The following CLIP2 variants were observed in gnomAD, a reference collection of about 807,000 sequenced individuals.
CLIP2 encodes the protein CAP-Gly domain containing linker protein 2.
Under a neutral mutation model 111.7 loss-of-function variants are expected in CLIP2, and 41 were observed. The observed-to-expected ratio is 0.37, with a 90% CI of 0.29 to 0.48. CLIP2 has a LOEUF of 0.48. Among genes scored for constraint, CLIP2 ranks in the 20% least tolerant of loss-of-function variants. CLIP2 has a pLI of 0.99. For missense variants in CLIP2, 1,160 were observed against 1,422.1 expected (o/e 0.82, Z 2.96); for synonymous variants, 660 against 644.2 (o/e 1.02, Z -0.37).
chr7:74,325,762 G>A (rs1789090532), intron 2 of CLIP2, among the ~76,000 whole-genome samples: 1 of 151,922 alleles, frequency 6.6e-6, no homozygotes, highest in Admixed American at 6.6e-5. Context: ...AACCCGGGAG[G>A]TTGAGGTTGC....
chr7:74,372,904 C>T, intron 8 of CLIP2, 28 bp from the exon 9 acceptor site: 2 of 1,159,398 alleles, frequency 1.7e-6, no homozygotes, highest in Non-Finnish European at 2.5e-6. Flanking sequence ...CCCCCACCCC[C>T]CCACCGTGTC....
rs1554728697 is a variant in CLIP2, at chr7:74,312,888, A to ACTGATCCTTCACTC, written c.-67-4592_-67-4591insCTGATCCTTCACTC. On this transcript the variant is annotated intron_variant, in intron 1 of 16. Coordinates refer to ENST00000223398, the MANE Select transcript of CLIP2 (RefSeq NM_003388.5). ...AAGTGATCCTTCACTCGGATGTGCCAGGACAGGTAGTAGCATTGCTGACTC... is the reference window on the plus strand; with the variant it reads ...AAGTGATCCTTCACTCGGATGTGCCACTGATCCTTCACTCGGACAGGTAGTAGCATTGCTGACTC... Among the ~76,000 whole-genome samples, 5 of 152,200 alleles carry ACTGATCCTTCACTC rather than the reference A, an allele frequency of 3.3e-5. No individual in the cohort carries two copies. The East Asian group carries it at 9.6e-4, about 29-fold the overall frequency.
chr7:74,385,635 G>GGCACTGTTA (rs763313295), intron 11 of CLIP2, among the ~76,000 whole-genome samples: 50 of 152,016 alleles, frequency 3.3e-4, no homozygotes, highest in Middle Eastern at 6.8e-3. Context: ...CGGTGACCTA[G>GGCACTGTTA]GCACTGTTAG....
intron 3 of CLIP2, 130 bp from the exon 4 acceptor site, chr7:74,353,750 C>T (rs1345629678): frequency 7.1e-6 from 9 of 1,270,424 alleles, no homozygotes; most frequent in Non-Finnish European, 1.0e-5. Flanking sequence ...GTCTCTCCCT[C>T]CCCACTCCTG....
chr7:74,349,468 GTGTATATATATATATATATATA>G lies in CLIP2; in HGVS notation c.679-4410_679-4389del, dbSNP rs1391072117. ...AAAAAGTATGTATGTGTGTGTGTGT[GTGTATATATATATATATATATA>G]TATATATATATATATATATATGTAA... On this transcript the variant is annotated intron_variant, in intron 3 of 16. Transcript: ENST00000223398. Among the ~76,000 whole-genome samples the G allele has an allele frequency of 2.7e-3, 169 of 61,772 alleles. 5 individuals are homozygous for G. The highest frequency in any genetic ancestry group is 3.6e-3 in the Non-Finnish European group (114 of 31,856). 40.5% of individuals were successfully genotyped at this position (61,772 alleles called of 152,430 possible). A position where few individuals can be genotyped will look rare whatever the true frequency, so the allele number is the denominator to read the frequency against.
intron 1 of CLIP2, among the ~76,000 whole-genome samples, chr7:74,311,432 A>C (rs921680805): frequency 1.3e-5 from 2 of 152,114 alleles, no homozygotes; most frequent in African/African-American, 2.4e-5. Flanking sequence ...ATTTCCCTTG[A>C]TGGGAAGTGG....
At chr7:74,400,042 C>A (rs1427229284) in intron 14 of CLIP2, among the ~76,000 whole-genome samples, 2 of 150,610 alleles carry the variant, frequency 1.3e-5, no homozygotes, top group Admixed American at 6.7e-5. Flanking sequence ...CCCAGCTACT[C>A]AGGAGGCTGA....
chr7:74,369,595 A>G (rs1182442247), intron 8 of CLIP2, among the ~76,000 whole-genome samples: 1 of 150,894 alleles, frequency 6.6e-6, no homozygotes, highest in East Asian at 2.0e-4. Context: ...GGTGGCTCAC[A>G]CCTGTAATCC....
At chr7:74,385,582 C>G (rs1791066294) in intron 11 of CLIP2, among the ~76,000 whole-genome samples, 1 of 151,806 alleles carries the variant, frequency 6.6e-6, no homozygotes, top group Non-Finnish European at 1.5e-5. Flanking sequence ...TCCATTCTGT[C>G]CTTTATGGCT....
chr7:74,305,150 C>CCTGTCCAGCCCAGGCACTGTG (rs1170428053), intron 1 of CLIP2, among the ~76,000 whole-genome samples: 75 of 39,172 alleles, frequency 1.9e-3, no homozygotes, highest in African/African-American at 2.9e-3. Context: ...ACTTACGTTC[C>CCTGTCCAGCCCAGGCACTGTG]CTGTCCAGCC....
At chr7:74,349,964 T>TA (rs1203176128) in intron 3 of CLIP2, among the ~76,000 whole-genome samples, 16 of 152,018 alleles carry the variant, frequency 1.1e-4, no homozygotes, top group Admixed American at 7.9e-4. Flanking sequence ...TCTGTAGCGA[T>TA]AGGATAGAAA....
At chr7:74,302,125 GAGAC>G (rs1788355940) in intron 1 of CLIP2, among the ~76,000 whole-genome samples, 1 of 152,146 alleles carries the variant, frequency 6.6e-6, no homozygotes, top group Non-Finnish European at 1.5e-5. Flanking sequence ...TAGCTCCCGC[GAGAC>G]AGACAGGCTG....
intron 3 of CLIP2, among the ~76,000 whole-genome samples, chr7:74,344,525 A>T (rs371802328): frequency 6.6e-6 from 1 of 151,842 alleles, no homozygotes. Flanking sequence ...GGGACTACAG[A>T]TGTGCACCAC....
In CLIP2 at chr7:74,338,871, G is replaced by C. The variant is rs782174816; in HGVS notation, c.545G>C (p.Ser182Thr). Residue 182 changes from serine to threonine, a missense_variant, in exon 3 of 17, where the codon AGC becomes ACC. Physicochemically the swap from Ser to Thr is moderately conservative, Grantham distance 58. Coordinates refer to ENST00000223398, the MANE Select transcript of CLIP2 (RefSeq NM_003388.5). This position sits in a 1 kb window ranked among gnomAD's most constrained non-coding sequence, Gnocchi z 4.3. ...GGCACGGCCACGCCCCCGCTGACCA[G>C]CCGCGTCATCCCCCTGCGGGAGAGC... ...HSGTATPPLT[S>T]RVIPLRESVL... The C allele has an allele frequency of 1.2e-5, 20 of 1,607,824 alleles. No homozygotes were observed. Among genetic ancestry groups the C allele is most frequent in the Admixed American group, 3.3e-5 (2 of 59,996 alleles).
At chr7:74,396,991 T>C (rs909943034) in intron 13 of CLIP2, 83 bp from the exon 14 acceptor site, 2 of 1,545,916 alleles carry the variant, frequency 1.3e-6, no homozygotes, top group Non-Finnish European at 1.8e-6. Flanking sequence ...GGTCAGCCCC[T>C]GGACACTTGG....
intron 13 of CLIP2, among the ~76,000 whole-genome samples, chr7:74,393,852 C>T (rs1291569180): frequency 1.3e-5 from 2 of 152,174 alleles, no homozygotes; most frequent in African/African-American, 2.4e-5. Flanking sequence ...ACAACACTGC[C>T]CTCTGCAGAT....
In CLIP2 at chr7:74,310,036, C is replaced by CAAAAAAAA. The variant is rs71094774; in HGVS notation, c.-67-7409_-67-7402dup. On this transcript the variant is annotated intron_variant, in intron 1 of 16. Coordinates refer to ENST00000223398, the MANE Select transcript of CLIP2 (RefSeq NM_003388.5). ...GCAATATGGCAAGACCCTGTCTCTACAAAAAAAAAAAAAAAAAAAAAAAAA... is the reference window on the plus strand; with the variant it reads ...GCAATATGGCAAGACCCTGTCTCTACAAAAAAAAAAAAAAAAAAAAAAAAAAAAAAAAA... 6.7e-4 allele frequency among the ~76,000 whole-genome samples: 62 copies of CAAAAAAAA among 92,484 alleles called. 2 individuals are homozygous for CAAAAAAAA. Among genetic ancestry groups the CAAAAAAAA allele is most frequent in the African/African-American group, 1.2e-3 (20 of 16,226 alleles). 60.7% of individuals were successfully genotyped at this position (92,484 alleles called of 152,430 possible).
chr7:74,321,262 C>T lies in CLIP2; in HGVS notation c.121+3595C>T, dbSNP rs199775752. 2.6e-5 allele frequency among the ~76,000 whole-genome samples: 4 copies of T among 152,136 alleles called. No individual in the cohort carries two copies. The East Asian group carries it at 5.8e-4, about 22-fold the overall frequency. On this transcript the variant is annotated intron_variant, in intron 2 of 16. Coordinates refer to ENST00000223398, the MANE Select transcript of CLIP2 (RefSeq NM_003388.5). ...ATTTGAAAGTGATAAAAGAAAAAAACGTCCATTATCCTTTAACCTTCTCCC... is the reference window on the plus strand; with the variant it reads ...ATTTGAAAGTGATAAAAGAAAAAAATGTCCATTATCCTTTAACCTTCTCCC...
chr7:74,304,556 CAA>C (rs11372908), intron 1 of CLIP2, among the ~76,000 whole-genome samples: 1 of 130,556 alleles, frequency 7.7e-6, no homozygotes, highest in Non-Finnish European at 1.6e-5. Flanking sequence ...GAGACTCTGA[CAA>C]AAAAAAAAAA....
Sources: allele counts gnomAD v4.1 joint callset (sites outside exome capture counted in the v4.1 genomes callset), GRCh38; gene constraint gnomAD v4.1.1; non-coding constraint Gnocchi (gnomAD v3.1); transcripts MANE v1.5; gene names NCBI Gene and HGNC (gene_info 2026-07-23, HGNC 2026-07-21).